SRPK2: variants seen among roughly 807,000 people sequenced by gnomAD.
SRPK2 encodes the protein SFRS protein kinase 2.
SRPK2 carries 21 observed loss-of-function variants against 90.8 expected under a neutral mutation model. The observed-to-expected ratio is 0.23, with a 90% CI of 0.16 to 0.33. The LOEUF is 0.33. SRPK2 is among the 10% of genes least tolerant of loss of function. SRPK2 has a pLI of 1.00. For missense variants in SRPK2, 620 were observed against 869.0 expected (o/e 0.71, Z 3.60); for synonymous variants, 288 against 311.1 (o/e 0.93, Z 0.78).
intron 3 of SRPK2, among the ~76,000 whole-genome samples, chr7:105,170,210 C>A (rs1320930410): frequency 6.6e-6 from 1 of 152,140 alleles, no homozygotes; most frequent in East Asian, 1.9e-4. Context: ...AAATTCAAAT[C>A]TTTTTGGATA....
At chr7:105,350,470 T>C (rs1817035142) in intron 2 of SRPK2, among the ~76,000 whole-genome samples, 1 of 151,544 alleles carries the variant, frequency 6.6e-6, no homozygotes, top group Admixed American at 6.6e-5. Context: ...ATGCTAAATA[T>C]ATCAGCTGAA....
intron 2 of SRPK2, among the ~76,000 whole-genome samples, chr7:105,372,047 A>C (rs1468078786): frequency 6.6e-6 from 1 of 150,716 alleles, no homozygotes; most frequent in Non-Finnish European, 1.5e-5. Context: ...AGGCAGGAGA[A>C]TGGCATGAAC....
intron 2 of SRPK2, among the ~76,000 whole-genome samples, chr7:105,258,887 CA>C (rs2129758421): frequency 6.6e-6 from 1 of 152,274 alleles, no homozygotes; most frequent in East Asian, 1.9e-4. Context: ...GAACCTATCT[CA>C]AAGTAATAGG....
chr7:105,133,670 G>A (rs1802364812), intron 11 of SRPK2, among the ~76,000 whole-genome samples: 1 of 152,194 alleles, frequency 6.6e-6, no homozygotes, highest in South Asian at 2.1e-4. Context: ...GTAGATGACT[G>A]TTGATTAACA....
At chr7:105,136,831 C>T (rs575668741) in intron 11 of SRPK2, among the ~76,000 whole-genome samples, 11 of 152,134 alleles carry the variant, frequency 7.2e-5, no homozygotes, top group Admixed American at 2.0e-4. Context: ...CTCAACCATT[C>T]GTGCAACAAA....
At chr7:105,176,565 G>C (rs1363603183) in intron 3 of SRPK2, among the ~76,000 whole-genome samples, 58 of 129,476 alleles carry the variant, frequency 4.5e-4, no homozygotes, top group South Asian at 2.2e-3. Flanking sequence ...ATATGTGTGT[G>C]TGTGTGTGTG....
chr7:105,219,082 G>A (rs1247759143), intron 2 of SRPK2, among the ~76,000 whole-genome samples: 1 of 152,102 alleles, frequency 6.6e-6, no homozygotes, highest in Non-Finnish European at 1.5e-5. Context: ...ACAACCAGGG[G>A]CGGGGGAGAC....
intron 2 of SRPK2, among the ~76,000 whole-genome samples, chr7:105,273,775 C>T (rs932456297): frequency 6.6e-6 from 1 of 152,214 alleles, no homozygotes. Flanking sequence ...ATGTTCAATT[C>T]AGACAGCCTG....
intron 15 of SRPK2, among the ~76,000 whole-genome samples, chr7:105,120,134 G>A (rs552942776): frequency 6.6e-5 from 10 of 152,296 alleles, no homozygotes; most frequent in African/African-American, 2.2e-4. Context: ...CACAGCAACA[G>A]TTAAAGCAAA....
intron 2 of SRPK2, among the ~76,000 whole-genome samples, chr7:105,283,976 T>C (rs932775923): frequency 2.6e-5 from 4 of 152,122 alleles, no homozygotes; most frequent in Admixed American, 2.0e-4. Context: ...GGAGACAGGC[T>C]GGGAGACAGG....
chr7:105,302,122 A>C, intron 2 of SRPK2: 1 of 1,469,842 alleles, frequency 6.8e-7, no homozygotes, highest in Non-Finnish European at 9.5e-7. Flanking sequence ...AGCATTCTTT[A>C]AAAAGTAAAA....
chr7:105,280,713 C>T (rs951169103), intron 2 of SRPK2, among the ~76,000 whole-genome samples: 10 of 150,442 alleles, frequency 6.6e-5, no homozygotes, highest in African/African-American at 7.4e-5. Context: ...TTTGGGAGGC[C>T]GAGGCGGGTG....
chr7:105,377,567 G>C (rs1820451817), intron 2 of SRPK2, among the ~76,000 whole-genome samples: 1 of 152,024 alleles, frequency 6.6e-6, no homozygotes, highest in Admixed American at 6.6e-5. Context: ...AGCCGTGGTA[G>C]TGGCACTGTA....
chr7:105,379,570 C>T (rs916092139), intron 2 of SRPK2, among the ~76,000 whole-genome samples: 4 of 152,172 alleles, frequency 2.6e-5, no homozygotes, highest in East Asian at 1.9e-4. Context: ...AGTATAGACT[C>T]GGGAGAGGCA....
chr7:105,217,052 A>T (rs1797559966), intron 2 of SRPK2, among the ~76,000 whole-genome samples: 1 of 152,206 alleles, frequency 6.6e-6, no homozygotes, highest in South Asian at 2.1e-4. Context: ...TGTGACCAAT[A>T]AATACACCTT....
chr7:105,194,005 G>C (rs1396027941), intron 3 of SRPK2, among the ~76,000 whole-genome samples: 2 of 152,150 alleles, frequency 1.3e-5, no homozygotes, highest in Non-Finnish European at 2.9e-5. Context: ...TCTTTGTCAG[G>C]TAAATGTATT....
intron 3 of SRPK2, among the ~76,000 whole-genome samples, chr7:105,184,538 G>C (rs1421276341): frequency 6.6e-6 from 1 of 152,158 alleles, no homozygotes; most frequent in East Asian, 1.9e-4. Flanking sequence ...GGTATACTTT[G>C]TATTTTAATG....
intron 2 of SRPK2, among the ~76,000 whole-genome samples, chr7:105,271,353 G>A (rs1300644587): frequency 6.6e-6 from 1 of 152,176 alleles, no homozygotes; most frequent in East Asian, 1.9e-4. Flanking sequence ...AACCAAAGAG[G>A]ATTCTAATAA....
Position 105,145,315 on chromosome 7 carries a change from TAAAATC to T in SRPK2, c.788-13_788-8del. 1 of 1,587,900 alleles carries T rather than the reference TAAAATC, an allele frequency of 6.3e-7. No individual in the cohort carries two copies. The highest frequency in any genetic ancestry group is 8.6e-7 in the Non-Finnish European group (1 of 1,166,772). On this transcript the variant is annotated splice_polypyrimidine_tract_variant and splice_region_variant and intron_variant, in intron 8 of 15. Transcript: ENST00000393651. ...TGCTGTGGAGCCGTACTCACTAAAA[TAAAATC>T]AAACAAAATCTGTATTTAGCAGAAA... is the stretch of plus-strand genomic sequence containing the variant.
Sources: gnomAD v4.1 joint callset for allele counts (sites outside exome capture counted in the v4.1 genomes callset) on GRCh38, gnomAD v4.1.1 for gene constraint, MANE v1.5 for transcripts, NCBI Gene and HGNC (gene_info 2026-07-23, HGNC 2026-07-21) for gene names.